Variants in VCAN observed in about 807,000 individuals in gnomAD.
VCAN encodes the protein versican core protein.
In VCAN, 44 loss-of-function variants were observed where a neutral mutation model predicts 245.5. That is an observed-to-expected ratio of 0.18 (90% CI 0.14 to 0.23). The LOEUF is 0.23. VCAN is among the 10% of genes least tolerant of loss of function. The pLI is 1.00. For missense variants in VCAN, 3,793 were observed against 4,057.9 expected, an observed-to-expected ratio of 0.93 and a Z score of 1.77; for synonymous variants, 1,413 against 1,437.0, an observed-to-expected ratio of 0.98 and a Z score of 0.38.
intron 2 of VCAN, among the ~76,000 whole-genome samples, chr5:83,489,598 C>G (rs1330071161): frequency 6.6e-6 from 1 of 152,128 alleles, no homozygotes. Flanking sequence ...CTATGAAGCA[C>G]TTTTTTATTT....
chr5:83,481,323 C>T (rs537557396), intron 1 of VCAN, among the ~76,000 whole-genome samples: 7 of 151,214 alleles, frequency 4.6e-5, no homozygotes, highest in South Asian at 2.1e-4. Flanking sequence ...CTCCACCTCC[C>T]GGGTTCATGC....
In VCAN at chr5:83,550,300, A is replaced by C. The variant is rs376503945; in HGVS notation, c.9493+2216A>C. 5.9e-5 allele frequency among the ~76,000 whole-genome samples: 9 copies of C among 152,298 alleles called. No individual in the cohort carries two copies. The South Asian group carries it at 1.7e-3, about 28-fold the overall frequency. On this transcript the variant is annotated intron_variant, in intron 10 of 14. Coordinates refer to ENST00000265077, the MANE Select transcript of VCAN (RefSeq NM_004385.5). ...TGAACAGGAGCTGTGCACACTACAA[A>C]TCTGGGTTTGTATTGTAACCCATTG...
chr5:83,519,718 C>T lies in VCAN; in HGVS notation c.1412C>T (p.Thr471Met), dbSNP rs528488016. 4.5e-5 allele frequency: 72 copies of T among 1,614,012 alleles called. No individual in the cohort carries two copies. The highest frequency in any genetic ancestry group is 1.6e-4 in the Middle Eastern group (1 of 6,084). The change falls in exon 7 of 15, where the codon ACG becomes ATG. Residue 471 changes from threonine to methionine, a missense_variant. By Grantham distance (81) the Thr-to-Met change is moderately conservative. Coordinates refer to ENST00000265077, the MANE Select transcript of VCAN (RefSeq NM_004385.5). ...QSTTGVSHYATDSWDGVVEDK... is the reference protein window; with the variant it reads ...QSTTGVSHYAMDSWDGVVEDK... ...ACAACTGGCGTCTCTCATTATGCTACGGATTCATGGGATGGTGTCGTGGAA... is the reference window on the plus strand; with the variant it reads ...ACAACTGGCGTCTCTCATTATGCTATGGATTCATGGGATGGTGTCGTGGAA...
chr5:83,580,321 A>G lies in VCAN; in HGVS notation c.10078A>G (p.Arg3360Gly), dbSNP rs1358650647. Residue 3360 changes from arginine to glycine, a missense_variant, in exon 15 of 15, where the codon AGG (arginine) becomes GGG (glycine). Coordinates refer to ENST00000265077, the MANE Select transcript of VCAN (RefSeq NM_004385.5). ...CTTCCATGTAGCATCTGCATACCAA[A>G]GGACTTATTCTATGAAATACTTTAA... ...ITCMNPSAYQ[R>G]TYSMKYFKNS... 3.1e-6 allele frequency: 5 copies of G among 1,613,990 alleles called. No homozygotes were observed. The highest frequency in any genetic ancestry group is 4.2e-6 in the Non-Finnish European group (5 of 1,179,978).
At chr5:83,483,140 C>A (rs537018969) in intron 1 of VCAN, among the ~76,000 whole-genome samples, 1 of 152,172 alleles carries the variant, frequency 6.6e-6, no homozygotes, top group Non-Finnish European at 1.5e-5. Flanking sequence ...TTTGTGGTCA[C>A]CCATTTCTTT....
chr5:83,557,806 C>T lies in VCAN; in HGVS notation c.9735+2768C>T, dbSNP rs574470965. ...GTACAACATAAACAAGAACCCTACT[C>T]TTAATTAGTTGGCACTTTCACTTGA... On this transcript the variant is annotated intron_variant, in intron 12 of 14. Coordinates refer to ENST00000265077, the MANE Select transcript of VCAN (RefSeq NM_004385.5). 1.2e-4 allele frequency among the ~76,000 whole-genome samples: 18 copies of T among 152,234 alleles called. No individual in the cohort carries two copies. In the South Asian group the frequency reaches 3.5e-3, roughly 30 times the overall value.
chr5:83,494,017 G>C, intron 5 of VCAN, 86 bp downstream of exon 5: 2 of 1,599,842 alleles, frequency 1.3e-6, no homozygotes, highest in South Asian at 1.1e-5. Flanking sequence ...GCAAGTCTTC[G>C]TGCTTGTTTG....
At position 83,558,609 on chromosome 5, in the gene VCAN, T is replaced by C. The variant is rs545906145; in HGVS notation, c.9735+3571T>C. ...TCAATGATCCATTTTACTCAAATAA[T>C]TAAACTTTGCTTTCAATAAACTTAC... On this transcript the variant is annotated intron_variant, in intron 12 of 14. Transcript: ENST00000265077. Among the ~76,000 whole-genome samples the C allele has an allele frequency of 1.1e-4, 17 of 152,296 alleles. No homozygotes were observed. The South Asian group carries it at 3.5e-3, about 32-fold the overall frequency.
At chr5:83,477,847 G>A (rs761281420) in intron 1 of VCAN, among the ~76,000 whole-genome samples, 19 of 151,682 alleles carry the variant, frequency 1.3e-4, no homozygotes, top group African/African-American at 3.6e-4. Context: ...AGAAAAAATC[G>A]CTCAGCCTCA....
intron 12 of VCAN, among the ~76,000 whole-genome samples, chr5:83,565,419 G>A (rs867791930): frequency 2.2e-5 from 3 of 134,656 alleles, no homozygotes; most frequent in Non-Finnish European, 4.7e-5. Context: ...GTGTGTGTGT[G>A]TGTGTGTATG....
chr5:83,549,038 T>A (rs2112462761), intron 10 of VCAN, among the ~76,000 whole-genome samples: 1 of 152,314 alleles, frequency 6.6e-6, no homozygotes, highest in East Asian at 1.9e-4. Flanking sequence ...TCTGTTTGTT[T>A]TAGATTTTGA....
intron 7 of VCAN, among the ~76,000 whole-genome samples, chr5:83,534,675 T>C (rs1362641027): frequency 6.6e-6 from 1 of 152,078 alleles, no homozygotes; most frequent in Non-Finnish European, 1.5e-5. Flanking sequence ...TTAAATCCCA[T>C]GAAGTTGTAC....
intron 11 of VCAN, among the ~76,000 whole-genome samples, chr5:83,553,841 T>C (rs1299706431): frequency 6.6e-6 from 1 of 152,246 alleles, no homozygotes; most frequent in South Asian, 2.1e-4. Flanking sequence ...CTCAATAGAA[T>C]TCTTACTATG....
At chr5:83,566,050 G>A (rs901198025) in intron 12 of VCAN, among the ~76,000 whole-genome samples, 5 of 47,700 alleles carry the variant, frequency 1.0e-4, no homozygotes, top group African/African-American at 3.9e-4. Context: ...TGCAACCTCC[G>A]CCTCCCGGGT....
intron 1 of VCAN, among the ~76,000 whole-genome samples, chr5:83,473,484 TCTC>T (rs1359795732): frequency 1.3e-5 from 2 of 152,074 alleles, no homozygotes; most frequent in Non-Finnish European, 2.9e-5. Context: ...GTCTCCATCT[TCTC>T]TGCCTCCCTT....
Position 83,538,449 on chromosome 5 carries a change from G to A in VCAN, c.5446G>A (p.Gly1816Arg), listed in dbSNP as rs1223649694. The change falls in exon 8 of 15, where the codon GGG (glycine) becomes AGG (arginine). Residue 1816 changes from glycine (G) to arginine (R), a missense_variant. Transcript: ENST00000265077. ...TTEHSSIHQP[G>R]VQEGLTTLPR... ...TGAGCACAGCAGTATCCATCAACCT[G>A]GGGTTCAGGAAGGGCTGACCACTCT... The A allele has an allele frequency of 1.9e-6, 3 of 1,613,974 alleles. No individual in the cohort carries two copies. Among genetic ancestry groups the A allele is most frequent in the Non-Finnish European group, 2.5e-6 (3 of 1,179,946 alleles).
At chr5:83,492,241 A>C (rs1290395014) in intron 3 of VCAN, among the ~76,000 whole-genome samples, 1 of 152,204 alleles carries the variant, frequency 6.6e-6, no homozygotes, top group Non-Finnish European at 1.5e-5. Context: ...AAGGATGAAC[A>C]CATGGGAGAC....
intron 12 of VCAN, among the ~76,000 whole-genome samples, chr5:83,571,552 G>GAT (rs141754417): frequency 2.7e-4 from 41 of 151,050 alleles, no homozygotes; most frequent in Middle Eastern, 3.4e-3. Flanking sequence ...CTCAGAGTAG[G>GAT]ATATATATAT....
intron 7 of VCAN, among the ~76,000 whole-genome samples, chr5:83,524,538 ACCTACC>A (rs1561247280): frequency 6.0e-4 from 7 of 11,744 alleles, no homozygotes; most frequent in African/African-American, 5.9e-3. Flanking sequence ...CTACCTGCGT[ACCTACC>A]TACCTACCTA....
Sources: allele counts gnomAD v4.1 joint callset (sites outside exome capture counted in the v4.1 genomes callset), GRCh38; gene constraint gnomAD v4.1.1; transcripts MANE v1.5; gene names NCBI Gene and HGNC (gene_info 2026-07-23, HGNC 2026-07-21).